CCBE1: variants seen among roughly 807,000 people sequenced by gnomAD.
CCBE1 encodes collagen and calcium binding EGF domains 1.
In CCBE1, 37 loss-of-function variants were observed where a neutral mutation model predicts 50.0. The observed-to-expected ratio is 0.74, with a 90% confidence interval of 0.57 to 0.97. CCBE1 has a LOEUF of 0.97. CCBE1 is among the 50% of genes least tolerant of loss of function. CCBE1 has a pLI of 0.00. For synonymous variants in CCBE1, 234 were observed against 203.7 expected (o/e 1.15, Z -1.27); for missense variants, 538 against 523.8 (o/e 1.03, Z -0.26).
At chr18:59,615,825 A>T (rs1390987852) in intron 2 of CCBE1, among the ~76,000 whole-genome samples, 2 of 152,204 alleles carry the variant, frequency 1.3e-5, no homozygotes, top group African/African-American at 4.8e-5. Flanking sequence ...CATGGTAGGC[A>T]TTTAATATTT....
intron 2 of CCBE1, among the ~76,000 whole-genome samples, chr18:59,658,880 A>C (rs553506383): frequency 0.021 from 589 of 28,384 alleles, 5 homozygotes; most frequent in African/African-American, 0.069. Flanking sequence ...ACTCTGTCTC[A>C]AAAAAAAAAA....
At chr18:59,564,710 G>A (rs752676790) in intron 2 of CCBE1, among the ~76,000 whole-genome samples, 5 of 152,198 alleles carry the variant, frequency 3.3e-5, no homozygotes, top group African/African-American at 4.8e-5. Flanking sequence ...TTCAAATACT[G>A]CAGCTGGAAT....
intron 2 of CCBE1, among the ~76,000 whole-genome samples, chr18:59,631,733 C>A (rs1452437270): frequency 6.6e-6 from 1 of 152,178 alleles, no homozygotes; most frequent in Non-Finnish European, 1.5e-5. Flanking sequence ...AAGCACTGGG[C>A]ACTAAATAGC....
chr18:59,506,879 T>C (rs917590606), intron 2 of CCBE1, among the ~76,000 whole-genome samples: 1 of 152,228 alleles, frequency 6.6e-6, no homozygotes, highest in African/African-American at 2.4e-5. Flanking sequence ...ATAAAGTGAC[T>C]ATTAGTCTCC....
chr18:59,551,347 C>A (rs1484443054), intron 2 of CCBE1, among the ~76,000 whole-genome samples: 4 of 152,156 alleles, frequency 2.6e-5, no homozygotes, highest in Non-Finnish European at 5.9e-5. Context: ...AGGATACTAA[C>A]CATAAGTACA....
At chr18:59,635,250 G>A (rs2053900178) in intron 2 of CCBE1, among the ~76,000 whole-genome samples, 1 of 152,224 alleles carries the variant, frequency 6.6e-6, no homozygotes, top group Non-Finnish European at 1.5e-5. Context: ...ATCTAGAATT[G>A]CGGATATGGC....
intron 6 of CCBE1, 57 bp downstream of exon 6, chr18:59,454,794 C>G: frequency 1.4e-6 from 2 of 1,388,216 alleles, no homozygotes; most frequent in Non-Finnish European, 2.1e-6. Context: ...TTCCACCTGG[C>G]CTTGGCCAAG....
chr18:59,690,740 TGA>T (rs1031281939), intron 2 of CCBE1, among the ~76,000 whole-genome samples: 2 of 152,248 alleles, frequency 1.3e-5, no homozygotes, highest in Admixed American at 1.3e-4. Flanking sequence ...ATTGTTTCTC[TGA>T]GAGTGAGTGA....
At chr18:59,616,277 A>G (rs1459232691) in intron 2 of CCBE1, among the ~76,000 whole-genome samples, 1 of 152,210 alleles carries the variant, frequency 6.6e-6, no homozygotes, top group Non-Finnish European at 1.5e-5. Context: ...AAAGTTGGCA[A>G]AATGGAAAAA....
chr18:59,516,784 C>T (rs1010343649), intron 2 of CCBE1, among the ~76,000 whole-genome samples: 2 of 152,170 alleles, frequency 1.3e-5, no homozygotes, highest in Non-Finnish European at 2.9e-5. Flanking sequence ...ACCTGCACAG[C>T]GGCCAGAACA....
rs2054825489 is a variant in CCBE1 at position 59,697,377 on chromosome 18, T to A, written c.-35A>T. On this transcript the variant is annotated 5_prime_UTR_variant, in exon 1 of 11. Coordinates refer to ENST00000439986, the MANE Select transcript of CCBE1 (RefSeq NM_133459.4). ...TCCCGGCTTCTTCCCAGCGCCGAGC[T>A]CCGTCCGGACCAAGCGTCCTGCTCC... 1 of 1,539,936 alleles carries A rather than the reference T, an allele frequency of 6.5e-7. No individual in the cohort carries two copies. Among genetic ancestry groups the A allele is most frequent in the Non-Finnish European group, 8.7e-7 (1 of 1,145,262 alleles).
chr18:59,550,062 A>C (rs1188461393), intron 2 of CCBE1, among the ~76,000 whole-genome samples: 1 of 152,226 alleles, frequency 6.6e-6, no homozygotes, highest in African/African-American at 2.4e-5. Context: ...CTCTGGGTCC[A>C]ATCCGGTTTG....
intron 2 of CCBE1, among the ~76,000 whole-genome samples, chr18:59,521,886 A>C (rs1191302540): frequency 6.6e-6 from 1 of 152,224 alleles, no homozygotes; most frequent in East Asian, 1.9e-4. Context: ...GTAAGTTTGG[A>C]AAATGTAAAG....
chr18:59,684,365 C>T (rs1256626237), intron 2 of CCBE1, among the ~76,000 whole-genome samples: 2 of 152,196 alleles, frequency 1.3e-5, no homozygotes, highest in African/African-American at 4.8e-5. Flanking sequence ...ACAAGAATCG[C>T]TTGAACCTGG....
At chr18:59,505,442 A>T (rs1913826182) in intron 2 of CCBE1, among the ~76,000 whole-genome samples, 1 of 152,240 alleles carries the variant, frequency 6.6e-6, no homozygotes, top group Admixed American at 6.5e-5. Context: ...CCACTTAAAC[A>T]TTCCATTCTG....
upstream of CCBE1, chr18:59,697,558 A>C (rs1263625307): frequency 1.6e-6 from 1 of 614,764 alleles, no homozygotes; most frequent in Non-Finnish European, 2.8e-6. Flanking sequence ...CCCAGCAGAG[A>C]AGCAGGTAAA....
intron 2 of CCBE1, among the ~76,000 whole-genome samples, chr18:59,647,287 T>C (rs2054067459): frequency 6.6e-6 from 1 of 152,196 alleles, no homozygotes; most frequent in Non-Finnish European, 1.5e-5. Flanking sequence ...ATTAGTTAAA[T>C]GGCTGTATAA....
intron 2 of CCBE1, among the ~76,000 whole-genome samples, chr18:59,505,216 A>G (rs772851232): frequency 2.0e-5 from 3 of 152,230 alleles, no homozygotes; most frequent in Non-Finnish European, 4.4e-5. Context: ...AACCATTTAT[A>G]GTTGAAAACA....
At chr18:59,484,768 G>T (rs964104900) in intron 2 of CCBE1, among the ~76,000 whole-genome samples, 1 of 152,088 alleles carries the variant, frequency 6.6e-6, no homozygotes, top group African/African-American at 2.4e-5. Context: ...ATTCCAGTGC[G>T]CCCTTCTGTC....
Sources: allele counts gnomAD v4.1 joint callset (sites outside exome capture counted in the v4.1 genomes callset), GRCh38; gene constraint gnomAD v4.1.1; transcripts MANE v1.5; gene names NCBI Gene and HGNC (gene_info 2026-07-23, HGNC 2026-07-21).